PRKG1: variants seen among roughly 807,000 people sequenced by gnomAD.
PRKG1 encodes the protein protein kinase cGMP-dependent 1, also known as cGMP-dependent protein kinase 1.
Under a neutral mutation model 88.1 loss-of-function variants are expected in PRKG1, and 35 were observed. That is an observed-to-expected ratio of 0.40 (90% CI 0.30 to 0.53). The LOEUF (loss-of-function observed/expected upper bound fraction) is 0.53. PRKG1 is among the 20% of genes least tolerant of loss of function. The pLI is 0.59. For synonymous variants in PRKG1, 303 were observed against 292.5 expected (o/e 1.04, Z -0.37); for missense variants, 540 against 839.8 (o/e 0.64, Z 4.41).
intron 3 of PRKG1, among the ~76,000 whole-genome samples, chr10:51,566,603 G>A (rs1837611543): frequency 1.3e-5 from 2 of 151,860 alleles, no homozygotes; most frequent in Non-Finnish European, 2.9e-5. Context: ...AGGTAAGATA[G>A]TGAAGGTTTC....
At chr10:51,034,548 T>C (rs967910968) in intron 1 of PRKG1, among the ~76,000 whole-genome samples, 1 of 151,238 alleles carries the variant, frequency 6.6e-6, no homozygotes, top group African/African-American at 2.4e-5. Flanking sequence ...CAATTAAATT[T>C]ATCCCAACTC....
chr10:52,080,819 A>AT (rs1452651871), intron 7 of PRKG1, among the ~76,000 whole-genome samples: 1 of 152,146 alleles, frequency 6.6e-6, no homozygotes, highest in East Asian at 1.9e-4. Context: ...TAATCTGGTG[A>AT]TATAATAGAT....
chr10:51,114,071 G>A (rs1168783110), intron 1 of PRKG1, among the ~76,000 whole-genome samples: 1 of 151,364 alleles, frequency 6.6e-6, no homozygotes, highest in Non-Finnish European at 1.5e-5. Flanking sequence ...AAACAAACTA[G>A]CATTTAACAT....
chr10:52,013,301 A>C (rs11000456), intron 5 of PRKG1, among the ~76,000 whole-genome samples: 37,154 of 151,950 alleles, frequency 0.24, 4,756 homozygotes, highest in East Asian at 0.32. Context: ...CACCTGTAGT[A>C]CCAGCTACTC....
intron 1 of PRKG1, among the ~76,000 whole-genome samples, chr10:51,013,383 G>A (rs1205075003): frequency 2.6e-5 from 4 of 152,164 alleles, no homozygotes; most frequent in African/African-American, 7.2e-5. Flanking sequence ...TTTCAGTTTC[G>A]ACCATTTAGT....
chr10:52,097,666 T>G (rs1847203185), intron 7 of PRKG1, among the ~76,000 whole-genome samples: 1 of 152,114 alleles, frequency 6.6e-6, no homozygotes, highest in South Asian at 2.1e-4. Flanking sequence ...GAGGGCTTTG[T>G]GTTCTTGTCA....
chr10:52,132,319 C>A (rs1036163915), intron 7 of PRKG1, among the ~76,000 whole-genome samples: 2 of 150,042 alleles, frequency 1.3e-5, no homozygotes, highest in Middle Eastern at 3.4e-3. Flanking sequence ...ATAATAAATG[C>A]TTAAGAATAT....
intron 3 of PRKG1, among the ~76,000 whole-genome samples, chr10:51,549,022 A>T (rs1162936145): frequency 6.6e-6 from 1 of 151,870 alleles, no homozygotes; most frequent in African/African-American, 2.4e-5. Flanking sequence ...GATTGGCTTC[A>T]GTCAAGAATA....
At chr10:51,263,421 C>T (rs537667605) in intron 2 of PRKG1, among the ~76,000 whole-genome samples, 12 of 152,230 alleles carry the variant, frequency 7.9e-5, no homozygotes, top group East Asian at 5.8e-4. Flanking sequence ...CAGCTCTTTC[C>T]GCCTCAGTGG....
chr10:51,749,837 G>T (rs1176878584), intron 3 of PRKG1, among the ~76,000 whole-genome samples: 2 of 151,768 alleles, frequency 1.3e-5, no homozygotes, highest in South Asian at 2.1e-4. Flanking sequence ...ATTTAATAAG[G>T]TTTATATGAC....
At chr10:52,149,993 C>T (rs956688345) in intron 8 of PRKG1, among the ~76,000 whole-genome samples, 1 of 151,538 alleles carries the variant, frequency 6.6e-6, no homozygotes, top group Non-Finnish European at 1.5e-5. Flanking sequence ...ACTAAAAATA[C>T]AAAACTTAGC....
intron 3 of PRKG1, among the ~76,000 whole-genome samples, chr10:51,648,284 G>A (rs925778512): frequency 5.3e-4 from 81 of 152,020 alleles, no homozygotes; most frequent in African/African-American, 1.9e-3. Context: ...TATCTCCACC[G>A]CTATCCAAAG....
At chr10:52,009,403 G>C (rs957096872) in intron 5 of PRKG1, among the ~76,000 whole-genome samples, 1 of 151,936 alleles carries the variant, frequency 6.6e-6, no homozygotes, top group African/African-American at 2.4e-5. Flanking sequence ...AGCCAAATTA[G>C]GAGTGAAATT....
At position 51,701,487 on chromosome 10, in the gene PRKG1, A is replaced by G. The variant is rs1841464953; in HGVS notation, c.593-103098A>G. On this transcript the variant is annotated intron_variant, in intron 3 of 17. Transcript: ENST00000373980. The stretch of plus-strand genomic sequence containing the variant: ...GTGACAAGGTTCATTTACATCACCT[A>G]ATAAGATTTTCCTGCTATGTCAAAG... 2.0e-5 allele frequency among the ~76,000 whole-genome samples: 3 copies of G among 152,224 alleles called. No individual in the cohort carries two copies. The South Asian group carries it at 6.2e-4, about 32-fold the overall frequency.
At chr10:51,518,017 G>A (rs1054249831) in intron 3 of PRKG1, among the ~76,000 whole-genome samples, 2 of 152,048 alleles carry the variant, frequency 1.3e-5, no homozygotes, top group African/African-American at 4.8e-5. Flanking sequence ...TTGTTTTTTT[G>A]AGACAAAGTC....
intron 2 of PRKG1, among the ~76,000 whole-genome samples, chr10:51,230,444 A>G (rs1838813432): frequency 6.6e-6 from 1 of 152,184 alleles, no homozygotes; most frequent in African/African-American, 2.4e-5. Flanking sequence ...AAGATGTAGC[A>G]CTAATATAAT....
chr10:51,876,618 G>A (rs187509868), intron 4 of PRKG1, among the ~76,000 whole-genome samples: 5 of 152,288 alleles, frequency 3.3e-5, no homozygotes, highest in African/African-American at 4.8e-5. Flanking sequence ...TTCAGCAAAC[G>A]TTGTCAGTGT....
Position 51,720,542 on chromosome 10 carries a change from G to A in PRKG1, c.593-84043G>A, listed in dbSNP as rs146630961. ...GACGAGAGTGCTTTGCTTTTCCTTT[G>A]TCTGCACTTTGGGAAGCTGATGCTT... On this transcript the variant is annotated intron_variant, in intron 3 of 17. Coordinates refer to ENST00000373980, the MANE Select transcript of PRKG1 (RefSeq NM_006258.4). Among the ~76,000 whole-genome samples, 7 of 152,178 alleles carry A rather than the reference G, an allele frequency of 4.6e-5. No individual in the cohort carries two copies. In the South Asian group the frequency reaches 8.3e-4, roughly 18 times the overall value.
chr10:52,144,252 A>T lies in PRKG1; in HGVS notation c.1001+10347A>T, dbSNP rs1453563649. On this transcript the variant is annotated intron_variant, in intron 8 of 17. Coordinates refer to ENST00000373980, the MANE Select transcript of PRKG1 (RefSeq NM_006258.4). ...TTATGGGACAAGGAACTGGATAATT[A>T]GGAGGAAAGCTGGAAGATGTGTTTG... Among the ~76,000 whole-genome samples the T allele has an allele frequency of 2.0e-5, 3 of 152,314 alleles. No individual in the cohort carries two copies. In the East Asian group the frequency reaches 5.8e-4, roughly 29 times the overall value.
Sources: gnomAD v4.1 joint callset for allele counts (sites outside exome capture counted in the v4.1 genomes callset) on GRCh38, gnomAD v4.1.1 for gene constraint, MANE v1.5 for transcripts, NCBI Gene and HGNC (gene_info 2026-07-23, HGNC 2026-07-21) for gene names.